The following ABCC9 variants were observed in gnomAD, a reference collection of about 807,000 sequenced individuals.
ABCC9 encodes the protein ATP-binding cassette sub-family C member 9.
ABCC9 carries 95 observed loss-of-function variants against 188.3 expected under a neutral mutation model. The ratio of observed to expected loss-of-function variants is 0.50; its 90% CI spans 0.43 to 0.60. The LOEUF is 0.60. Ranked by LOEUF, ABCC9 falls within the 20% of genes least tolerant of loss-of-function variation. ABCC9 has a pLI of 0.00. For missense variants in ABCC9, 1,102 were observed against 1,876.3 expected (o/e 0.59, Z 7.62); for synonymous variants, 659 against 652.7 (o/e 1.01, Z -0.15).
intron 7 of ABCC9, 112 bp downstream of exon 7, chr12:21,915,556 C>G: frequency 2.9e-6 from 2 of 687,178 alleles, no homozygotes; most frequent in Admixed American, 6.2e-5. Flanking sequence ...TCTGTCACCC[C>G]GGCTGGAGTG....
Position 21,818,524 on chromosome 12 carries a change from ATATGTG to A in ABCC9, c.3670-279_3670-274del, listed in dbSNP as rs775034818. Among the ~76,000 whole-genome samples, 195 of 125,044 alleles carry A rather than the reference ATATGTG, an allele frequency of 1.6e-3. 2 individuals carry two copies. The highest frequency in any genetic ancestry group is 3.8e-3 in the Middle Eastern group (1 of 260). The allele number at this position is 125,044 out of a possible 152,430, so 82.0% of individuals were successfully genotyped here. A position where few individuals can be genotyped will look rare whatever the true frequency, so the allele number is the denominator to read the frequency against. On this transcript the variant is annotated intron_variant, in intron 31 of 39. Coordinates refer to ENST00000261200, the MANE Select transcript of ABCC9 (RefSeq NM_020297.4). ...TATATATAACTATATAGATATATAT[ATATGTG>A]TGTGTGTGTGTGTGTGTGTGTGTGT...
In ABCC9 at chr12:21,818,345, C is replaced by A. The variant is rs7133945; in HGVS notation, c.3670-94G>T. Reference sequence around the variant, plus strand: ...CAGAGGTGATCACTAAGAGAATACACATCATTCCATGTGTGTCCTGTTAAG... The same window carrying A: ...CAGAGGTGATCACTAAGAGAATACAAATCATTCCATGTGTGTCCTGTTAAG... On this transcript the variant is annotated intron_variant, in intron 31 of 39. Transcript: ENST00000261200. 4,576 of 913,342 alleles carry A rather than the reference C, an allele frequency of 5.0e-3. 121 individuals carry two copies. The African/African-American group carries it at 0.066, about 13-fold the overall frequency. 56.6% of individuals were successfully genotyped at this position (913,342 alleles called of 1,614,324 possible). A position where few individuals can be genotyped will look rare whatever the true frequency, so the allele number is the denominator to read the frequency against.
intron 14 of ABCC9, among the ~76,000 whole-genome samples, chr12:21,890,614 T>G (rs996019274): frequency 6.6e-6 from 1 of 152,118 alleles, no homozygotes; most frequent in Admixed American, 6.6e-5. Flanking sequence ...ATGTGGCACA[T>G]ATACACCATG....
chr12:21,911,663 A>C (rs1948329418), intron 8 of ABCC9, among the ~76,000 whole-genome samples: 1 of 152,014 alleles, frequency 6.6e-6, no homozygotes, highest in South Asian at 2.1e-4. Flanking sequence ...CAGTTTGGAC[A>C]CTATTTTCTA....
rs546574456 is a variant in ABCC9 at position 21,850,471 on chromosome 12, A to G, written c.2769+1626T>C. On this transcript the variant is annotated intron_variant, in intron 24 of 39. Coordinates refer to ENST00000261200, the MANE Select transcript of ABCC9 (RefSeq NM_020297.4). ...TCTGGCTTCTACTGGCTGCCATTCT[A>G]CCTTGTAACTGGATTTACCCTGTCC... Among the ~76,000 whole-genome samples the G allele has an allele frequency of 9.2e-5, 14 of 152,036 alleles. No homozygotes were observed. In the East Asian group the frequency reaches 2.7e-3, roughly 29 times the overall value.
intron 29 of ABCC9, among the ~76,000 whole-genome samples, chr12:21,839,303 C>A (rs1479872747): frequency 6.6e-6 from 1 of 152,108 alleles, no homozygotes; most frequent in Non-Finnish European, 1.5e-5. Flanking sequence ...TATAGCTTGG[C>A]TATTTCTAGT....
At chr12:21,917,449 C>A (rs149248450) in intron 5 of ABCC9, among the ~76,000 whole-genome samples, 4 of 152,090 alleles carry the variant, frequency 2.6e-5, no homozygotes, top group East Asian at 1.9e-4. Flanking sequence ...TTTCAAAGAG[C>A]CTTAATTATA....
intron 18 of ABCC9, among the ~76,000 whole-genome samples, chr12:21,871,292 T>C (rs1159054434): frequency 6.6e-6 from 1 of 152,136 alleles, no homozygotes. Context: ...GGAAACCTTG[T>C]CTAGTGCCAT....
intron 15 of ABCC9, among the ~76,000 whole-genome samples, chr12:21,886,978 C>A (rs1178631829): frequency 6.6e-6 from 1 of 152,052 alleles, no homozygotes; most frequent in Non-Finnish European, 1.5e-5. Context: ...CTCTCTAATA[C>A]CCTCTTTCAT....
chr12:21,818,676 T>C (rs1456995131), intron 31 of ABCC9, among the ~76,000 whole-genome samples: 2 of 148,100 alleles, frequency 1.4e-5, no homozygotes, highest in Non-Finnish European at 3.0e-5. Context: ...GACTTTCTAC[T>C]GCATTATGTT....
rs559154011 is a variant in ABCC9, at chr12:21,898,902, C to T, written c.1619-3587G>A. ...ATTGGAAAAAAGGGTTTTATGTGAA[C>T]GAAGTTTGGCTTCCTTTACCTGAAA... On this transcript the variant is annotated intron_variant, in intron 12 of 39. Coordinates refer to ENST00000261200, the MANE Select transcript of ABCC9 (RefSeq NM_020297.4). 1.9e-3 allele frequency among the ~76,000 whole-genome samples: 287 copies of T among 152,162 alleles called. 1 individual carries two copies. Among genetic ancestry groups the T allele is most frequent in the African/African-American group, 6.3e-3 (263 of 41,520 alleles).
Position 21,817,260 on chromosome 12 carries a change from C to T in ABCC9, c.3819G>A (p.Glu1273=). ...CCTTCTTCACTGCACCCATCTGGAC[C>T]TCCAGGTCAGCCAAGTTCCTCACAA... ...NWVVRNLADL[E]VQMGAVKKVN... is the part of the protein sequence containing the mutation. The change falls in exon 33 of 40, where the codon GAG becomes GAA. Residue 1273 remains glutamate, a synonymous_variant. Coordinates refer to ENST00000261200, the MANE Select transcript of ABCC9 (RefSeq NM_020297.4). 1 of 1,613,810 alleles carries T rather than the reference C, an allele frequency of 6.2e-7. No homozygotes were observed. Among genetic ancestry groups the T allele is most frequent in the Non-Finnish European group, 8.5e-7 (1 of 1,179,810 alleles).
chr12:21,931,930 C>T (rs1029879928), intron 4 of ABCC9, among the ~76,000 whole-genome samples: 3 of 152,048 alleles, frequency 2.0e-5, no homozygotes, highest in African/African-American at 7.2e-5. Flanking sequence ...GCGAAAAGCC[C>T]TCATAAAACA....
intron 16 of ABCC9, among the ~76,000 whole-genome samples, chr12:21,875,994 G>A (rs1265706207): frequency 6.6e-6 from 1 of 152,152 alleles, no homozygotes; most frequent in Admixed American, 6.5e-5. Flanking sequence ...TGAGGCTGCA[G>A]TGAGCCGAGA....
At chr12:21,913,392 T>A (rs999022762) in intron 7 of ABCC9, among the ~76,000 whole-genome samples, 6 of 152,142 alleles carry the variant, frequency 3.9e-5, no homozygotes, top group African/African-American at 1.4e-4. Context: ...TTTTCTTTGA[T>A]TGGGAAAATA....
intron 3 of ABCC9, among the ~76,000 whole-genome samples, chr12:21,935,888 A>G (rs1949465020): frequency 6.6e-6 from 1 of 152,148 alleles, no homozygotes. Context: ...GCCCCTAATT[A>G]TCAGATTTTA....
chr12:21,871,585 C>T (rs1565763460), intron 18 of ABCC9, among the ~76,000 whole-genome samples: 1 of 152,128 alleles, frequency 6.6e-6, no homozygotes, highest in Non-Finnish European at 1.5e-5. Context: ...TGTATGTAAA[C>T]AGCAAACTCA....
intron 18 of ABCC9, among the ~76,000 whole-genome samples, chr12:21,867,279 C>A (rs926725069): frequency 6.6e-6 from 1 of 152,118 alleles, no homozygotes; most frequent in African/African-American, 2.4e-5. Context: ...TATAATTTCT[C>A]TTCCAAAATA....
chr12:21,816,450 T>C (rs1942653627), intron 33 of ABCC9, among the ~76,000 whole-genome samples: 1 of 152,138 alleles, frequency 6.6e-6, no homozygotes, highest in African/African-American at 2.4e-5. Context: ...TGGATGGTGC[T>C]AACCTTGGAG....
Sources: allele counts gnomAD v4.1 joint callset (sites outside exome capture counted in the v4.1 genomes callset), GRCh38; gene constraint gnomAD v4.1.1; transcripts MANE v1.5; gene names NCBI Gene and HGNC (gene_info 2026-07-23, HGNC 2026-07-21).